Variants in FGGY observed in about 807,000 individuals in gnomAD.
FGGY encodes FGGY carbohydrate kinase domain-containing protein.
Under a neutral mutation model 71.3 loss-of-function variants are expected in FGGY, and 72 were observed. The observed-to-expected ratio is 1.01, with a 90% confidence interval of 0.84 to 1.23. FGGY has a LOEUF of 1.23. FGGY is among the 50% of genes most tolerant of loss of function. The probability of loss-of-function intolerance (pLI) is 0.00; values close to 1 mark genes in which losing one functional copy is unlikely to be tolerated. For synonymous variants in FGGY, 251 were observed against 250.3 expected, an observed-to-expected ratio of 1.00 and a Z score of -0.02; for missense variants, 668 against 682.3, an observed-to-expected ratio of 0.98 and a Z score of 0.23.
At chr1:59,747,352 T>A (rs77731861) in intron 14 of FGGY, among the ~76,000 whole-genome samples, 9,261 of 152,190 alleles carry the variant, frequency 0.061, 397 homozygotes, top group African/African-American at 0.12. Flanking sequence ...ACAACAGAGG[T>A]TGATGGCCTT....
chr1:59,500,848 G>T (rs1473631134), intron 6 of FGGY, among the ~76,000 whole-genome samples: 2 of 152,124 alleles, frequency 1.3e-5, no homozygotes, highest in Non-Finnish European at 2.9e-5. Context: ...CTGCCCTCCA[G>T]GGGTGAATTT....
intron 6 of FGGY, among the ~76,000 whole-genome samples, chr1:59,480,963 T>A (rs193210054): frequency 5.3e-4 from 81 of 152,340 alleles, no homozygotes; most frequent in African/African-American, 1.9e-3. Flanking sequence ...TATTTTTATT[T>A]ATCTCCATTT....
chr1:59,595,462 G>A (rs961941419), intron 8 of FGGY, among the ~76,000 whole-genome samples: 3 of 152,078 alleles, frequency 2.0e-5, no homozygotes, highest in African/African-American at 7.2e-5. Context: ...AGACCAAGGT[G>A]GGCAGATCAC....
intron 6 of FGGY, among the ~76,000 whole-genome samples, chr1:59,497,071 T>G (rs755094653): frequency 1.1e-4 from 17 of 152,008 alleles, no homozygotes; most frequent in African/African-American, 3.9e-4. Flanking sequence ...CTTCCTGGAG[T>G]AGGTGACCCC....
In FGGY at chr1:59,672,215, C is replaced by T. The variant is rs1572963575; in HGVS notation, c.1418-1824C>T. ...TCCCCTCTGGATGGTTGATGGGAACCTTTATTGTCCCTTCCCCACTTATCC... is the reference window on the plus strand; with the variant it reads ...TCCCCTCTGGATGGTTGATGGGAACTTTTATTGTCCCTTCCCCACTTATCC... On this transcript the variant is annotated intron_variant, in intron 13 of 15. Coordinates refer to ENST00000303721, the MANE Select transcript of FGGY (RefSeq NM_018291.5). 3.9e-5 allele frequency among the ~76,000 whole-genome samples: 6 copies of T among 152,306 alleles called. 2 individuals carry two copies. The highest frequency in any genetic ancestry group is 3.9e-4 in the Admixed American group (6 of 15,296).
chr1:59,596,252 A>G (rs1426834228), intron 8 of FGGY, among the ~76,000 whole-genome samples: 1 of 151,674 alleles, frequency 6.6e-6, no homozygotes, highest in Non-Finnish European at 1.5e-5. Context: ...GAATATGGAG[A>G]AGAGGGAAAA....
intron 8 of FGGY, among the ~76,000 whole-genome samples, chr1:59,555,500 A>G (rs2897707): frequency 0.1 from 15,228 of 152,242 alleles, 908 homozygotes; most frequent in South Asian, 0.28. Context: ...CTCCACATGC[A>G]GTAAGCACAT....
intron 6 of FGGY, among the ~76,000 whole-genome samples, chr1:59,467,797 A>G (rs1214931694): frequency 6.6e-6 from 1 of 152,206 alleles, no homozygotes; most frequent in African/African-American, 2.4e-5. Flanking sequence ...TTAGATACTG[A>G]TGAAATATTC....
intron 14 of FGGY, among the ~76,000 whole-genome samples, chr1:59,711,943 A>G (rs1385052140): frequency 6.6e-6 from 1 of 152,000 alleles, no homozygotes; most frequent in Admixed American, 6.6e-5. Context: ...CTTCCCAACA[A>G]TCCCCCAAAG....
rs1229650905 is a variant in FGGY at position 59,649,062 on chromosome 1, G to C, written c.1221+10687G>C. Among the ~76,000 whole-genome samples the C allele has an allele frequency of 1.1e-4, 17 of 151,782 alleles. 1 individual carries two copies. The East Asian group carries it at 3.3e-3, about 29-fold the overall frequency. ...TTTGTCAAAGATCAGATAGTTTTAG[G>C]TATGCGGCATTATTTCTGAGGGCTC... On this transcript the variant is annotated intron_variant, in intron 11 of 15. Coordinates refer to ENST00000303721, the MANE Select transcript of FGGY (RefSeq NM_018291.5).
rs113920361 is a variant in FGGY at position 59,616,914 on chromosome 1, C to G, written c.1011+9004C>G. Among the ~76,000 whole-genome samples the G allele has an allele frequency of 2.1e-3, 318 of 152,218 alleles. 1 individual carries two copies. Among genetic ancestry groups the G allele is most frequent in the Middle Eastern group, 0.014 (4 of 294 alleles). ...GTTAAGTGACTAAAGGTAGCAATTA[C>G]AGCCTGGAGAGTCTCCTCACCCACC... On this transcript the variant is annotated intron_variant, in intron 9 of 15. Coordinates refer to ENST00000303721, the MANE Select transcript of FGGY (RefSeq NM_018291.5).
intron 7 of FGGY, among the ~76,000 whole-genome samples, chr1:59,536,865 T>C (rs377275999): frequency 2.6e-5 from 4 of 152,114 alleles, no homozygotes; most frequent in Non-Finnish European, 5.9e-5. Flanking sequence ...TAAGAGCTAT[T>C]TATGACAAAC....
chr1:59,699,981 A>G (rs2097696652), intron 14 of FGGY, among the ~76,000 whole-genome samples: 2 of 152,138 alleles, frequency 1.3e-5, no homozygotes, highest in Non-Finnish European at 2.9e-5. Flanking sequence ...TGATATCATT[A>G]TTTCTTCTAG....
intron 4 of FGGY, among the ~76,000 whole-genome samples, chr1:59,373,128 T>C (rs545043107): frequency 6.6e-6 from 1 of 152,210 alleles, no homozygotes; most frequent in African/African-American, 2.4e-5. Context: ...TTGTCCCTGT[T>C]TGCAGACGAC....
intron 4 of FGGY, among the ~76,000 whole-genome samples, chr1:59,371,015 C>T (rs2057521534): frequency 6.6e-6 from 1 of 151,048 alleles, no homozygotes; most frequent in African/African-American, 2.4e-5. Context: ...GCAAAATCAC[C>T]AGCTAACATC....
intron 5 of FGGY, among the ~76,000 whole-genome samples, chr1:59,426,699 T>C (rs1463535190): frequency 1.3e-5 from 2 of 152,204 alleles, no homozygotes; most frequent in African/African-American, 2.4e-5. Context: ...TGCTTTTGTT[T>C]ACTTGTTTAC....
At chr1:59,508,533 T>C (rs1169687181) in intron 6 of FGGY, among the ~76,000 whole-genome samples, 4 of 152,210 alleles carry the variant, frequency 2.6e-5, no homozygotes, top group African/African-American at 9.6e-5. Context: ...CAGGAGGCAC[T>C]AATGTTTGCC....
rs1272385091 is a variant in FGGY at position 59,583,997 on chromosome 1, C to T, written c.904-23806C>T. 1.3e-5 allele frequency among the ~76,000 whole-genome samples: 2 copies of T among 149,070 alleles called. 1 individual carries two copies. Among genetic ancestry groups the T allele is most frequent in the Non-Finnish European group, 2.9e-5 (2 of 67,822 alleles). The stretch of plus-strand genomic sequence containing the variant: ...TGGACTACTCAGGTGGTTTAAAAGA[C>T]CAGGTGAAATTGAGGCAATAATGAA... On this transcript the variant is annotated intron_variant, in intron 8 of 15. Transcript: ENST00000303721.
In FGGY at chr1:59,469,200, C is replaced by G. The variant is rs114089028; in HGVS notation, c.670+12124C>G. Reference sequence around the variant, plus strand: ...CCCACAGGCCTGAGTACAGGTGGCTCAAGAAGAAAGTATTAGTTCTTTTCT... The same window carrying G: ...CCCACAGGCCTGAGTACAGGTGGCTGAAGAAGAAAGTATTAGTTCTTTTCT... On this transcript the variant is annotated intron_variant, in intron 6 of 15. Coordinates refer to ENST00000303721, the MANE Select transcript of FGGY (RefSeq NM_018291.5). Among the ~76,000 whole-genome samples, 538 of 152,314 alleles carry G rather than the reference C, an allele frequency of 3.5e-3. 2 individuals are homozygous for G. The highest frequency in any genetic ancestry group is 0.011 in the African/African-American group (478 of 41,568).
Sources: gnomAD v4.1 joint callset for allele counts (sites outside exome capture counted in the v4.1 genomes callset) on GRCh38, gnomAD v4.1.1 for gene constraint, MANE v1.5 for transcripts, NCBI Gene and HGNC (gene_info 2026-07-23, HGNC 2026-07-21) for gene names.